KCND2: variants seen among roughly 807,000 people sequenced by gnomAD.
KCND2 encodes A-type voltage-gated potassium channel KCND2.
KCND2 carries 16 observed loss-of-function variants against 54.4 expected under a neutral mutation model. The observed-to-expected ratio is 0.29, with a 90% CI of 0.20 to 0.45. The LOEUF is 0.45. KCND2 is among the 20% of genes least tolerant of loss of function. KCND2 has a pLI of 1.00. For synonymous variants in KCND2, 317 were observed against 310.7 expected (o/e 1.02, Z -0.21); for missense variants, 486 against 824.2 (o/e 0.59, Z 5.02).
At chr7:120,384,879 T>A (rs560381816) in intron 1 of KCND2, among the ~76,000 whole-genome samples, 1 of 152,004 alleles carries the variant, frequency 6.6e-6, no homozygotes, top group Non-Finnish European at 1.5e-5. Flanking sequence ...TCTGTTCTTA[T>A]GGAAAAAAGA....
At chr7:120,433,620 G>A (rs1227458664) in intron 1 of KCND2, among the ~76,000 whole-genome samples, 1 of 152,102 alleles carries the variant, frequency 6.6e-6, no homozygotes, top group African/African-American at 2.4e-5. Context: ...ACTATTGCCT[G>A]GCATGTAGTA....
chr7:120,418,538 G>A (rs990120831), intron 1 of KCND2, among the ~76,000 whole-genome samples: 1 of 152,156 alleles, frequency 6.6e-6, no homozygotes, highest in African/African-American at 2.4e-5. Flanking sequence ...TTGGGCAGGG[G>A]TTGGTTTTTA....
intron 1 of KCND2, among the ~76,000 whole-genome samples, chr7:120,438,559 C>T (rs1801902240): frequency 6.6e-6 from 1 of 152,056 alleles, no homozygotes; most frequent in Admixed American, 6.5e-5. Context: ...GTAAATATCA[C>T]CTTCAGAAAA....
chr7:120,294,566 AT>A lies in KCND2; in HGVS notation c.1115+18824del, dbSNP rs1328115636. Among the ~76,000 whole-genome samples the A allele has an allele frequency of 4.0e-5, 6 of 151,800 alleles. No individual in the cohort carries two copies. The East Asian group carries it at 9.6e-4, about 24-fold the overall frequency. ...AATACATTTACATATTTATAAAGAC[AT>A]TTTTATCTAACTGAAAGTTTAGAGA... On this transcript the variant is annotated intron_variant, in intron 1 of 5. Transcript: ENST00000331113.
At chr7:120,419,571 A>G (rs898029295) in intron 1 of KCND2, among the ~76,000 whole-genome samples, 23 of 152,188 alleles carry the variant, frequency 1.5e-4, no homozygotes, top group African/African-American at 5.1e-4. Context: ...CCACTAGAGC[A>G]TTTTGATTCA....
chr7:120,579,774 T>C (rs1041251063), intron 1 of KCND2, among the ~76,000 whole-genome samples: 5 of 152,144 alleles, frequency 3.3e-5, no homozygotes, highest in African/African-American at 1.2e-4. Flanking sequence ...TTTTTTAAAA[T>C]AGTAAAACAT....
At position 120,600,942 on chromosome 7, in the gene KCND2, T is replaced by A. The variant is rs148352128; in HGVS notation, c.1116-131961T>A. ...GTACTATACATTCCTAATTTTTATT[T>A]ATTCCTAATTTTACTGCAACACTAT... On this transcript the variant is annotated intron_variant, in intron 1 of 5. Transcript: ENST00000331113. 4.9e-3 allele frequency among the ~76,000 whole-genome samples: 743 copies of A among 152,238 alleles called. 8 individuals are homozygous for A. The highest frequency in any genetic ancestry group is 0.017 in the African/African-American group (704 of 41,556).
At chr7:120,702,051 T>C (rs75213725) in intron 1 of KCND2, among the ~76,000 whole-genome samples, 9,203 of 152,060 alleles carry the variant, frequency 0.061, 775 homozygotes, top group East Asian at 0.42. Flanking sequence ...TCAAAAACTA[T>C]GTACCTGACA....
intron 1 of KCND2, among the ~76,000 whole-genome samples, chr7:120,448,126 C>T (rs929910442): frequency 1.3e-5 from 2 of 152,028 alleles, no homozygotes; most frequent in East Asian, 3.9e-4. Context: ...GTGTGCTGCA[C>T]CCATTAACTC....
At chr7:120,459,151 T>C (rs1375449919) in intron 1 of KCND2, among the ~76,000 whole-genome samples, 6 of 152,096 alleles carry the variant, frequency 3.9e-5, no homozygotes, top group African/African-American at 7.2e-5. Context: ...TATCAGGCAC[T>C]ACAAAATCTG....
intron 1 of KCND2, among the ~76,000 whole-genome samples, chr7:120,588,420 T>TGTGC (rs1232443004): frequency 6.6e-6 from 1 of 151,394 alleles, no homozygotes; most frequent in Non-Finnish European, 1.5e-5. Flanking sequence ...TGTGTGTGTG[T>TGTGC]GTGTGTGTGT....
At chr7:120,580,638 T>A (rs2116442611) in intron 1 of KCND2, among the ~76,000 whole-genome samples, 1 of 152,372 alleles carries the variant, frequency 6.6e-6, no homozygotes, top group South Asian at 2.1e-4. Context: ...CACTTTTTCT[T>A]AGAACTTGTG....
At chr7:120,471,173 A>C (rs1802447656) in intron 1 of KCND2, among the ~76,000 whole-genome samples, 1 of 152,122 alleles carries the variant, frequency 6.6e-6, no homozygotes, top group Non-Finnish European at 1.5e-5. Flanking sequence ...ACTATGTTTT[A>C]ATATCTTAGG....
intron 1 of KCND2, among the ~76,000 whole-genome samples, chr7:120,446,812 A>G (rs1371175499): frequency 3.3e-5 from 5 of 152,176 alleles, no homozygotes; most frequent in African/African-American, 1.2e-4. Flanking sequence ...TAACGTAGCT[A>G]ATAATTAGTT....
At chr7:120,592,175 C>T (rs10228326) in intron 1 of KCND2, among the ~76,000 whole-genome samples, 14 of 151,952 alleles carry the variant, frequency 9.2e-5, no homozygotes, top group Admixed American at 2.0e-4. Context: ...CAGCCACATG[C>T]GACAATTCTG....
intron 1 of KCND2, among the ~76,000 whole-genome samples, chr7:120,658,728 G>A (rs1791832229): frequency 6.6e-6 from 1 of 152,084 alleles, no homozygotes; most frequent in Non-Finnish European, 1.5e-5. Context: ...AACATGCCAA[G>A]GACTGGTATT....
chr7:120,406,662 G>A (rs988015853), intron 1 of KCND2, among the ~76,000 whole-genome samples: 2 of 151,944 alleles, frequency 1.3e-5, no homozygotes, highest in African/African-American at 2.4e-5. Flanking sequence ...TTACTGGAGA[G>A]GTGAGATACA....
At chr7:120,460,928 G>C (rs1406637217) in intron 1 of KCND2, among the ~76,000 whole-genome samples, 1 of 152,156 alleles carries the variant, frequency 6.6e-6, no homozygotes, top group East Asian at 1.9e-4. Flanking sequence ...TTCCCAGATA[G>C]TTAAGGGAGA....
At chr7:120,306,118 G>T (rs1262719293) in intron 1 of KCND2, among the ~76,000 whole-genome samples, 1 of 151,966 alleles carries the variant, frequency 6.6e-6, no homozygotes, top group African/African-American at 2.4e-5. Context: ...TCTCTAGCTG[G>T]ATCCTCCACC....
Sources: gnomAD v4.1 joint callset for allele counts (sites outside exome capture counted in the v4.1 genomes callset) on GRCh38, gnomAD v4.1.1 for gene constraint, MANE v1.5 for transcripts, NCBI Gene and HGNC (gene_info 2026-07-23, HGNC 2026-07-21) for gene names.